Variants in RAG1 observed in about 807,000 individuals in gnomAD.
RAG1 encodes the protein recombination activating 1.
Under a neutral mutation model 62.7 loss-of-function variants are expected in RAG1, and 35 were observed. The ratio of observed to expected loss-of-function variants is 0.56; its 90% CI spans 0.43 to 0.74. The LOEUF (loss-of-function observed/expected upper bound fraction) is 0.74, where lower values mean the gene tolerates loss of function less well. Among genes scored for constraint, RAG1 ranks in the 30% least tolerant of loss-of-function variants. The pLI, the probability that RAG1 is intolerant of heterozygous loss-of-function variation, is 0.00. For synonymous variants in RAG1, 461 were observed against 470.3 expected, an observed-to-expected ratio of 0.98 and a Z score of 0.26; for missense variants, 1,169 against 1,278.6, an observed-to-expected ratio of 0.91 and a Z score of 1.31.
intron 3 of RAG1, among the ~76,000 whole-genome samples, chr11:36,558,201 A>G (rs933102566): frequency 6.6e-6 from 1 of 152,204 alleles, no homozygotes; most frequent in Non-Finnish European, 1.5e-5. Context: ...CATATAATCT[A>G]TCCTGGAGAA....
intron 1 of RAG1, among the ~76,000 whole-genome samples, chr11:36,516,710 C>G (rs1473141635): frequency 6.6e-6 from 1 of 152,214 alleles, no homozygotes; most frequent in African/African-American, 2.4e-5. Flanking sequence ...ACCTTCCCTT[C>G]TGGACACATT....
chr11:36,548,953 A>C (rs1170739490), intron 3 of RAG1, among the ~76,000 whole-genome samples: 1 of 151,786 alleles, frequency 6.6e-6, no homozygotes, highest in Non-Finnish European at 1.5e-5. Flanking sequence ...AAACGGAAGC[A>C]TTAGAAATAA....
chr11:36,571,837 C>G (rs1173834942), intron 1 of RAG1, among the ~76,000 whole-genome samples: 1 of 152,076 alleles, frequency 6.6e-6, no homozygotes, highest in Non-Finnish European at 1.5e-5. Flanking sequence ...AGGCTGGTCT[C>G]GAACTCCTGA....
chr11:36,532,826 C>A (rs1253915636), intron 2 of RAG1, among the ~76,000 whole-genome samples: 1 of 152,024 alleles, frequency 6.6e-6, no homozygotes, highest in Non-Finnish European at 1.5e-5. Flanking sequence ...AGACAGACAG[C>A]ACATTTACAT....
chr11:36,565,228 C>CT (rs1439357877), upstream of RAG1, among the ~76,000 whole-genome samples: 1 of 152,206 alleles, frequency 6.6e-6, no homozygotes, highest in Non-Finnish European at 1.5e-5. Context: ...CGTTCACACA[C>CT]TCAGACCATG....
At chr11:36,520,318 G>A (rs1214641514) in intron 2 of RAG1, 1 of 152,128 alleles carries the variant, frequency 6.6e-6, no homozygotes, top group Non-Finnish European at 1.5e-5. Flanking sequence ...GCCCAGGCTG[G>A]AGTGCAGTGG....
rs1850868611 is a variant in RAG1 at position 36,577,450 on chromosome 11, T to C, written c.*1014T>C. ...CTAGGTTTCATAGAGTCCTCTCCTC[T>C]GCAATGTGTTATTCTTTCTATAATG... On this transcript the variant is annotated 3_prime_UTR_variant, in exon 2 of 2. Coordinates refer to ENST00000299440, the MANE Select transcript of RAG1 (RefSeq NM_000448.3). The C allele has an allele frequency of 6.0e-6, 1 of 167,062 alleles. No homozygotes were observed. Among genetic ancestry groups the C allele is most frequent in the Non-Finnish European group, 1.5e-5 (1 of 68,118 alleles). The allele number at this position is 167,062 out of a possible 1,614,324, so 10.3% of individuals were successfully genotyped here.
chr11:36,574,860 A>G lies in RAG1; in HGVS notation c.1556A>G (p.His519Arg). 6.2e-7 allele frequency: 1 copy of G among 1,614,134 alleles called. No individual in the cohort carries two copies. Among genetic ancestry groups the G allele is most frequent in the Non-Finnish European group, 8.5e-7 (1 of 1,180,022 alleles). The change falls in exon 2 of 2, where the codon CAC (histidine) becomes CGC (arginine). Residue 519 changes from histidine (H) to arginine (R), a missense_variant. Coordinates refer to ENST00000299440, the MANE Select transcript of RAG1 (RefSeq NM_000448.3). ...AEKVLLPGYH[H>R]FEWQPPLKNV... ...AAGGTACTTCTGCCAGGCTACCACC[A>G]CTTTGAGTGGCAGCCACCTCTGAAG...
intron 1 of RAG1, among the ~76,000 whole-genome samples, chr11:36,571,203 T>C (rs561702861): frequency 7.9e-4 from 120 of 152,316 alleles, no homozygotes; most frequent in African/African-American, 2.8e-3. Flanking sequence ...ACTTACTCAA[T>C]GTGAAAGTCA....
At chr11:36,570,512 T>C (rs1463191585) in intron 1 of RAG1, among the ~76,000 whole-genome samples, 1 of 149,476 alleles carries the variant, frequency 6.7e-6, no homozygotes, top group African/African-American at 2.5e-5. Context: ...AACATACTGA[T>C]TTAACTTCCT....
At chr11:36,541,767 G>A (rs768973764) in intron 3 of RAG1, among the ~76,000 whole-genome samples, 1 of 152,112 alleles carries the variant, frequency 6.6e-6, no homozygotes, top group Non-Finnish European at 1.5e-5. Flanking sequence ...CATTCCGTCT[G>A]TTCTTAATCA....
intron 3 of RAG1, among the ~76,000 whole-genome samples, chr11:36,551,324 G>C (rs1850478101): frequency 6.6e-6 from 1 of 152,070 alleles, no homozygotes; most frequent in African/African-American, 2.4e-5. Flanking sequence ...GGCTATATTA[G>C]TTTTCTAGGG....
At chr11:36,568,706 T>G (rs1036928730) in intron 1 of RAG1, among the ~76,000 whole-genome samples, 6 of 152,218 alleles carry the variant, frequency 3.9e-5, no homozygotes, top group African/African-American at 1.4e-4. Flanking sequence ...CTCATGATTC[T>G]GATTTGTATT....
At chr11:36,550,507 A>G (rs1168914912) in intron 3 of RAG1, among the ~76,000 whole-genome samples, 3 of 152,146 alleles carry the variant, frequency 2.0e-5, no homozygotes, top group African/African-American at 7.2e-5. Flanking sequence ...TCACAATGGC[A>G]GAAGAAAAGA....
rs752023899 is a variant in RAG1 at position 36,574,328 on chromosome 11, A to G, written c.1024A>G (p.Ser342Gly). ...TCCATGCTTCCCTACTGACCTGGAG[A>G]GTCCAGTGAAGTCCTTTCTGAGCGT... ...RYPCFPTDLESPVKSFLSVLN... is the reference protein window; with the variant it reads ...RYPCFPTDLEGPVKSFLSVLN... Residue 342 changes from serine (S) to glycine (G), a missense_variant, in exon 2 of 2, where the codon AGT becomes GGT. Around this residue, in one of 2 missense-constraint regions of RAG1, gnomAD observed 800 missense variants for 943.3 expected, o/e 0.85. Transcript: ENST00000299440. 5 of 1,614,230 alleles carry G rather than the reference A, an allele frequency of 3.1e-6. No individual in the cohort carries two copies. In the African/African-American group the frequency reaches 6.7e-5, roughly 22 times the overall value.
At position 36,576,056 on chromosome 11, in the gene RAG1, C is replaced by T. The variant is rs753962790; in HGVS notation, c.2752C>T (p.Arg918Cys). The T allele has an allele frequency of 1.6e-5, 26 of 1,613,950 alleles. No homozygotes were observed. The highest frequency in any genetic ancestry group is 6.7e-5 in the East Asian group (3 of 44,890). Reference protein sequence around the residue: ...SLCQYSFNSQRFAELLSTKFK... With the variant: ...SLCQYSFNSQCFAELLSTKFK... ...CTGCCAGTACAGTTTCAATTCACAG[C>T]GTTTTGCTGAGCTCCTTTCTACGAA... The change falls in exon 2 of 2, where the codon CGT becomes TGT. Residue 918 changes from arginine to cysteine, a missense_variant. This residue lies in a region of RAG1 where 800 missense variants were observed against 943.3 expected (regional missense o/e 0.85). Coordinates refer to ENST00000299440, the MANE Select transcript of RAG1 (RefSeq NM_000448.3).
rs1850809242 is a variant in RAG1, at chr11:36,574,633, G to A, written c.1329G>A (p.Arg443=). 1.2e-6 allele frequency: 2 copies of A among 1,614,204 alleles called. No homozygotes were observed. The highest frequency in any genetic ancestry group is 2.7e-5 in the African/African-American group (2 of 75,058). ...VCMTLFLLAL[R]ARNEHRQADE... is the part of the protein sequence containing the mutation. ...TGACCTTGTTCCTGCTGGCTCTGAG[G>A]GCGAGGAATGAGCACAGGCAAGCTG... The change falls in exon 2 of 2, where the codon AGG becomes AGA. Residue 443 remains arginine (R), a synonymous_variant. Coordinates refer to ENST00000299440, the MANE Select transcript of RAG1 (RefSeq NM_000448.3).
downstream of RAG1, among the ~76,000 whole-genome samples, chr11:36,536,960 G>A (rs1405020520): frequency 1.4e-5 from 2 of 146,004 alleles, no homozygotes; most frequent in African/African-American, 2.6e-5. Flanking sequence ...GGGTTTCACC[G>A]TGTTAGCCAG....
chr11:36,535,267 A>G (rs1412244969), intron 2 of RAG1, among the ~76,000 whole-genome samples: 1 of 151,964 alleles, frequency 6.6e-6, no homozygotes, highest in Non-Finnish European at 1.5e-5. Flanking sequence ...TAAATATTCC[A>G]TGGATTCCTG....
Sources: gnomAD v4.1 joint callset for allele counts (sites outside exome capture counted in the v4.1 genomes callset) on GRCh38, gnomAD v4.1.1 for gene constraint, gnomAD v4.1.1 regional missense constraint, MANE v1.5 for transcripts, NCBI Gene and HGNC (gene_info 2026-07-23, HGNC 2026-07-21) for gene names.